KCNH8: variants seen among roughly 807,000 people sequenced by gnomAD.
The protein encoded by KCNH8 is potassium voltage-gated channel subfamily H member 8, also known as voltage-gated delayed rectifier potassium channel KCNH8.
KCNH8 carries 70 observed loss-of-function variants against 103.6 expected under a neutral mutation model. The ratio of observed to expected loss-of-function variants is 0.68; its 90% confidence interval spans 0.56 to 0.82. The LOEUF (loss-of-function observed/expected upper bound fraction) is 0.82. KCNH8 is among the 40% of genes least tolerant of loss of function. The pLI is 0.00. For synonymous variants in KCNH8, 498 were observed against 489.4 expected, an observed-to-expected ratio of 1.02 and a Z score of -0.23; for missense variants, 1,217 against 1,329.9, an observed-to-expected ratio of 0.92 and a Z score of 1.32.
intron 11 of KCNH8, among the ~76,000 whole-genome samples, chr3:19,497,198 C>T (rs1484221023): frequency 1.3e-5 from 2 of 152,034 alleles, no homozygotes; most frequent in Admixed American, 1.3e-4. Flanking sequence ...AAAACCAACT[C>T]TTGGATTAAT....
intron 7 of KCNH8, among the ~76,000 whole-genome samples, chr3:19,416,665 C>T (rs2066867812): frequency 1.3e-5 from 2 of 152,090 alleles, no homozygotes; most frequent in Non-Finnish European, 2.9e-5. Context: ...TGAAAATATA[C>T]AGAATTTTGG....
chr3:19,467,765 C>A (rs900756281), intron 11 of KCNH8, among the ~76,000 whole-genome samples: 3 of 152,174 alleles, frequency 2.0e-5, no homozygotes, highest in Non-Finnish European at 4.4e-5. Context: ...CATTTTGCTG[C>A]TTGAAATAGA....
At chr3:19,185,555 G>C (rs759698852) in intron 1 of KCNH8, among the ~76,000 whole-genome samples, 18 of 151,956 alleles carry the variant, frequency 1.2e-4, no homozygotes, top group Middle Eastern at 3.4e-3. Flanking sequence ...CTTCCTGTAA[G>C]AAATAACATA....
At chr3:19,518,244 C>G (rs2068909345) in intron 15 of KCNH8, among the ~76,000 whole-genome samples, 170 bp downstream of exon 15, 1 of 152,050 alleles carries the variant, frequency 6.6e-6, no homozygotes, top group African/African-American at 2.4e-5. Flanking sequence ...TGACAAGTCA[C>G]TTACCTTCTC....
chr3:19,311,365 C>T (rs1046510448), intron 3 of KCNH8, among the ~76,000 whole-genome samples: 2 of 151,664 alleles, frequency 1.3e-5, no homozygotes, highest in Admixed American at 6.6e-5. Flanking sequence ...GCCCTAGTGG[C>T]TAGCAAGTGT....
chr3:19,436,222 C>A (rs138989010), intron 7 of KCNH8, among the ~76,000 whole-genome samples: 4 of 151,920 alleles, frequency 2.6e-5, no homozygotes, highest in Non-Finnish European at 4.4e-5. Context: ...AAGTCAGTGT[C>A]CTCAGTATAT....
intron 1 of KCNH8, among the ~76,000 whole-genome samples, chr3:19,252,637 C>G (rs1239426061): frequency 1.3e-5 from 2 of 152,024 alleles, no homozygotes; most frequent in Non-Finnish European, 2.9e-5. Flanking sequence ...ATCCACCCAC[C>G]TTGGCCTCCC....
At chr3:19,195,194 T>A (rs1327618020) in intron 1 of KCNH8, among the ~76,000 whole-genome samples, 1 of 151,866 alleles carries the variant, frequency 6.6e-6, no homozygotes, top group Non-Finnish European at 1.5e-5. Context: ...ATTTTTCTGC[T>A]GTCATTATCT....
intron 3 of KCNH8, among the ~76,000 whole-genome samples, chr3:19,331,783 A>G (rs1040262944): frequency 2.6e-5 from 4 of 152,196 alleles, no homozygotes; most frequent in South Asian, 2.1e-4. Flanking sequence ...AAAATGTACA[A>G]TAAATTACTA....
chr3:19,478,017 G>C (rs2068012042), intron 11 of KCNH8, among the ~76,000 whole-genome samples: 1 of 152,070 alleles, frequency 6.6e-6, no homozygotes, highest in Non-Finnish European at 1.5e-5. Flanking sequence ...GCAAGTATTT[G>C]ACTTTCTGTT....
At chr3:19,219,677 G>C (rs2063852963) in intron 1 of KCNH8, among the ~76,000 whole-genome samples, 1 of 152,192 alleles carries the variant, frequency 6.6e-6, no homozygotes, top group Admixed American at 6.5e-5. Context: ...CATGATGACT[G>C]CAAATTCTTA....
In KCNH8 at chr3:19,390,620, T is replaced by G; in HGVS notation, c.951T>G (p.Tyr317Ter). 1.2e-6 allele frequency: 2 copies of G among 1,613,300 alleles called. No individual in the cohort carries two copies. The highest frequency in any genetic ancestry group is 1.7e-6 in the Non-Finnish European group (2 of 1,179,542). The change falls in exon 6 of 16, where the codon TAT becomes TAG. Residue 317 changes from tyrosine to a stop codon, truncating the protein, a stop_gained. Coordinates refer to ENST00000328405, the MANE Select transcript of KCNH8 (RefSeq NM_144633.3). LOFTEE classifies it high-confidence loss of function. ...LIAALPFDLL[Y>*]AFNVTVVSLV... ...CTGCCCTGCCTTTTGATCTTCTGTA[T>G]GCTTTCAACGTCACAGTGGTGAGTA...
chr3:19,276,708 AT>A (rs1380329965), intron 2 of KCNH8, among the ~76,000 whole-genome samples: 1 of 152,164 alleles, frequency 6.6e-6, no homozygotes, highest in Non-Finnish European at 1.5e-5. Context: ...TGACAAATAT[AT>A]TTTAGTGCTG....
intron 15 of KCNH8, among the ~76,000 whole-genome samples, chr3:19,519,585 TG>T (rs1375536058): frequency 6.7e-6 from 1 of 148,886 alleles, no homozygotes; most frequent in Non-Finnish European, 1.5e-5. Context: ...GTCCACTAAC[TG>T]GTTTGAAAAT....
intron 1 of KCNH8, among the ~76,000 whole-genome samples, chr3:19,154,540 G>C (rs1474335552): frequency 6.6e-6 from 1 of 152,186 alleles, no homozygotes; most frequent in East Asian, 1.9e-4. Flanking sequence ...GCCAACTTTA[G>C]ACTTGGGATG....
chr3:19,182,734 G>A (rs61132235), intron 1 of KCNH8, among the ~76,000 whole-genome samples: 1 of 152,128 alleles, frequency 6.6e-6, no homozygotes, highest in East Asian at 1.9e-4. Context: ...ATGAGTGAGC[G>A]TAAGTAAGAA....
At chr3:19,415,688 T>C (rs1289895872) in intron 7 of KCNH8, among the ~76,000 whole-genome samples, 1 of 152,100 alleles carries the variant, frequency 6.6e-6, no homozygotes, top group African/African-American at 2.4e-5. Context: ...AAAGTTAACA[T>C]ATTAGGTTGG....
intron 1 of KCNH8, among the ~76,000 whole-genome samples, chr3:19,212,214 A>G (rs1226198185): frequency 1.3e-5 from 2 of 151,974 alleles, no homozygotes; most frequent in African/African-American, 4.8e-5. Flanking sequence ...CTTTCATCAC[A>G]ACTACATTAA....
chr3:19,406,177 T>C (rs2066688318), intron 7 of KCNH8, among the ~76,000 whole-genome samples: 1 of 152,108 alleles, frequency 6.6e-6, no homozygotes, highest in Non-Finnish European at 1.5e-5. Flanking sequence ...AACTCACTAG[T>C]AAAACATTTT....
Sources: gnomAD v4.1 joint callset for allele counts (sites outside exome capture counted in the v4.1 genomes callset) on GRCh38, gnomAD v4.1.1 for gene constraint, MANE v1.5 for transcripts, NCBI Gene and HGNC (gene_info 2026-07-23, HGNC 2026-07-21) for gene names.